Variants in IRF6 observed in about 807,000 individuals in gnomAD.
IRF6 encodes the protein Van der Woude syndrome.
Under a neutral mutation model 51.4 loss-of-function variants are expected in IRF6, and 6 were observed. The ratio of observed to expected loss-of-function variants is 0.12; its 90% CI spans 0.06 to 0.23. IRF6 has a LOEUF of 0.23. IRF6 is among the 10% of genes least tolerant of loss of function. The pLI is 1.00. For synonymous variants in IRF6, 178 were observed against 215.7 expected (o/e 0.83, Z 1.53); for missense variants, 348 against 585.2 (o/e 0.59, Z 4.18).
At chr1:209,803,296 G>A (rs922127325) in intron 1 of IRF6, among the ~76,000 whole-genome samples, 10 of 152,196 alleles carry the variant, frequency 6.6e-5, no homozygotes, top group Non-Finnish European at 1.5e-4. Flanking sequence ...CTAGTAAAGA[G>A]CTTTTGAGAA....
intron 8 of IRF6, among the ~76,000 whole-genome samples, chr1:209,789,351 T>TCGTGTG (rs1553247662): frequency 6.8e-6 from 1 of 146,960 alleles, no homozygotes; most frequent in Non-Finnish European, 1.5e-5. Flanking sequence ...GCAATTTACA[T>TCGTGTG]TGTGTGTGTG....
chr1:209,801,180 T>TG, intron 3 of IRF6, 60 bp downstream of exon 3: 1 of 1,132,040 alleles, frequency 8.8e-7, no homozygotes, highest in Non-Finnish European at 1.2e-6. Flanking sequence ...GTATTCCCCA[T>TG]GCCAAAAAAA....
rs1013842314 is a variant in IRF6 at position 209,790,688 on chromosome 1, C to T, written c.867G>A (p.Leu289=). 2.5e-6 allele frequency: 4 copies of T among 1,614,224 alleles called. No homozygotes were observed. The highest frequency in any genetic ancestry group is 3.3e-4 in the Middle Eastern group (2 of 6,062). Residue 289 remains leucine (L), a synonymous_variant, in exon 7 of 9, where the codon CTG becomes CTA. Transcript: ENST00000367021. This position sits in a 1 kb window ranked among gnomAD's most constrained non-coding sequence, Gnocchi z 4.8. ...PEHITNEKQK[L]FTSKLLDVMD... is the part of the protein sequence containing the mutation. ...TGACGTCCAGCAGCTTGCTAGTGAACAGCTTCTGCTTCTCATTGGTAATAT... is the reference window on the plus strand; with the variant it reads ...TGACGTCCAGCAGCTTGCTAGTGAATAGCTTCTGCTTCTCATTGGTAATAT...
intron 8 of IRF6, among the ~76,000 whole-genome samples, 173 bp downstream of exon 8, chr1:209,789,494 A>T (rs2077855786): frequency 6.6e-6 from 1 of 152,008 alleles, no homozygotes; most frequent in African/African-American, 2.4e-5. Flanking sequence ...CATTTTAAGG[A>T]CCCTGCCTTT....
chr1:209,795,440 G>A (rs751769285), intron 4 of IRF6, 22 bp from the exon 5 acceptor site: 18 of 1,613,194 alleles, frequency 1.1e-5, no homozygotes, highest in South Asian at 2.2e-5. Context: ...ACACAAGCTC[G>A]CAGGTGAGCC....
intron 2 of IRF6, among the ~76,000 whole-genome samples, chr1:209,801,642 A>T (rs190642725): frequency 1.3e-5 from 2 of 152,360 alleles, no homozygotes; most frequent in Admixed American, 1.3e-4. Flanking sequence ...GCCAAATCAG[A>T]CTTATCAGCT....
chr1:209,788,361 TA>T lies in IRF6; in HGVS notation c.*58del. ...TTAAAAGCTGGTTAAATCTAAACAA[TA>T]AAAAAATCCATATGTACAATATTAT... On this transcript the variant is annotated 3_prime_UTR_variant, in exon 9 of 9. Coordinates refer to ENST00000367021, the MANE Select transcript of IRF6 (RefSeq NM_006147.4). The T allele has an allele frequency of 1.7e-6, 2 of 1,168,494 alleles. No individual in the cohort carries two copies. The highest frequency in any genetic ancestry group is 2.5e-6 in the Non-Finnish European group (2 of 790,118). The allele number at this position is 1,168,494 out of a possible 1,614,324, so 72.4% of individuals were successfully genotyped here. A position where few individuals can be genotyped will look rare whatever the true frequency, so the allele number is the denominator to read the frequency against.
At chr1:209,795,869 A>G (rs1384610072) in intron 4 of IRF6, among the ~76,000 whole-genome samples, 1 of 151,954 alleles carries the variant, frequency 6.6e-6, no homozygotes, top group Non-Finnish European at 1.5e-5. Flanking sequence ...ATTTTTTTTT[A>G]CAGATCATGT....
At position 209,786,064 on chromosome 1, in the gene IRF6, G is replaced by C. The variant is rs2077831599; in HGVS notation, c.*2356C>G. 6.6e-6 allele frequency: 1 copy of C among 152,200 alleles called. No homozygotes were observed. Among genetic ancestry groups the C allele is most frequent in the Admixed American group, 6.5e-5 (1 of 15,294 alleles). 9.4% of individuals were successfully genotyped at this position (152,200 alleles called of 1,614,324 possible). ...TAACTCCCTTCTCAGTCTTAAGCAA[G>C]GTGAAGGCAAGGGAGTAGAAGATAT... On this transcript the variant is annotated 3_prime_UTR_variant, in exon 9 of 9. Transcript: ENST00000367021.
In IRF6 at chr1:209,803,871, G is replaced by A. The variant is rs572950480; in HGVS notation, c.-75-1828C>T. 7.5e-3 allele frequency among the ~76,000 whole-genome samples: 980 copies of A among 131,090 alleles called. 10 individuals carry two copies. The highest frequency in any genetic ancestry group is 8.4e-3 in the Non-Finnish European group (494 of 59,068). 86.0% of individuals were successfully genotyped at this position (131,090 alleles called of 152,430 possible). On this transcript the variant is annotated intron_variant, in intron 1 of 8. Coordinates refer to ENST00000367021, the MANE Select transcript of IRF6 (RefSeq NM_006147.4). ...AATGTTTACAATATGAAGTTGTGGGGGCAGGGGGAAACAGCATACAACTTG... is the reference window on the plus strand; with the variant it reads ...AATGTTTACAATATGAAGTTGTGGGAGCAGGGGGAAACAGCATACAACTTG...
chr1:209,795,199 A>G, intron 5 of IRF6, 91 bp downstream of exon 5: 1 of 1,435,258 alleles, frequency 7.0e-7, no homozygotes, highest in Non-Finnish European at 9.8e-7. Context: ...TCCTGCTTTC[A>G]GGGCAGTGGT....
chr1:209,798,487 G>C (rs2077918465), intron 3 of IRF6, among the ~76,000 whole-genome samples: 1 of 152,130 alleles, frequency 6.6e-6, no homozygotes, highest in African/African-American at 2.4e-5. Flanking sequence ...AGAGCAGCCA[G>C]ACCAACCCAG....
In IRF6 at chr1:209,792,255, A is replaced by G. The variant is rs2077873217; in HGVS notation, c.667+14T>C. On this transcript the variant is annotated intron_variant, in intron 6 of 8. Transcript: ENST00000367021. ...AAGCAGAAGACCGAGCAAGAAAGAT[A>G]AAGTCTCACTTACTTGGGAGAGAGC... 1.2e-6 allele frequency: 2 copies of G among 1,612,108 alleles called. No individual in the cohort carries two copies. Among genetic ancestry groups the G allele is most frequent in the Non-Finnish European group, 1.7e-6 (2 of 1,178,126 alleles).
chr1:209,796,634 A>AAC lies in IRF6; in HGVS notation c.175-84_175-83dup, dbSNP rs3028134. ...GTGCTTACCCTTTCTCATAGACACA[A>AAC]ACACACACACACACACACACACACA... On this transcript the variant is annotated intron_variant, in intron 3 of 8. Transcript: ENST00000367021. The surrounding 1 kb of genome is among the most constrained non-coding windows in gnomAD (Gnocchi z 4.5). The AAC allele has an allele frequency of 0.17, 96,725 of 576,520 alleles. 1,840 individuals carry two copies. The highest frequency in any genetic ancestry group is 0.19 in the Middle Eastern group (401 of 2,074). The allele number at this position is 576,520 out of a possible 1,614,324, so 35.7% of individuals were successfully genotyped here.
Position 209,795,311 on chromosome 1 carries a change from A to T in IRF6, c.487T>A (p.Phe163Ile). ...SQHHVPIQDTFPFLNINGSPM... is the reference protein window; with the variant it reads ...SQHHVPIQDTIPFLNINGSPM... ...TCACCATTGATGTTCAGGAAGGGGA[A>T]GGTGTCCTGGATGGGAACATGGTGC... The change falls in exon 5 of 9, where the codon TTC becomes ATC. Residue 163 changes from phenylalanine to isoleucine, a missense_variant. Physicochemically the swap from Phe to Ile is conservative, Grantham distance 21 (BLOSUM62 0). This residue lies in a region of IRF6 where 124 missense variants were observed against 141.6 expected (regional missense o/e 0.88). Coordinates refer to ENST00000367021, the MANE Select transcript of IRF6 (RefSeq NM_006147.4). The T allele has an allele frequency of 6.2e-7, 1 of 1,614,220 alleles. No individual in the cohort carries two copies. The highest frequency in any genetic ancestry group is 8.5e-7 in the Non-Finnish European group (1 of 1,180,034).
At chr1:209,803,333 G>A (rs1157788729) in intron 1 of IRF6, among the ~76,000 whole-genome samples, 6 of 152,202 alleles carry the variant, frequency 3.9e-5, no homozygotes, top group African/African-American at 1.4e-4. Flanking sequence ...GGTAAGTGCT[G>A]TGTTTGGGCC....
chr1:209,796,674 C>T lies in IRF6; in HGVS notation c.175-122G>A. On this transcript the variant is annotated intron_variant, in intron 3 of 8. Transcript: ENST00000367021. This position sits in a 1 kb window ranked among gnomAD's most constrained non-coding sequence, Gnocchi z 4.5. The stretch of plus-strand genomic sequence containing the variant: ...ACACACACACACACACACACACACA[C>T]ACAACTTTTGCATGACTGCCCCATC... The T allele has an allele frequency of 7.8e-6, 6 of 773,038 alleles. No individual in the cohort carries two copies. The highest frequency in any genetic ancestry group is 2.1e-6 in the Non-Finnish European group (1 of 465,528). The allele number at this position is 773,038 out of a possible 1,614,324, so 47.9% of individuals were successfully genotyped here.
rs1310697098 is a variant in IRF6 at position 209,795,310 on chromosome 1, A to T, written c.488T>A (p.Phe163Tyr). The change falls in exon 5 of 9, where the codon TTC (phenylalanine) becomes TAC (tyrosine). Residue 163 changes from phenylalanine to tyrosine, a missense_variant. Coordinates refer to ENST00000367021, the MANE Select transcript of IRF6 (RefSeq NM_006147.4). The stretch of plus-strand genomic sequence containing the variant: ...CTCACCATTGATGTTCAGGAAGGGG[A>T]AGGTGTCCTGGATGGGAACATGGTG... The part of the protein sequence containing the change: ...SQHHVPIQDT[F>Y]PFLNINGSPM... 1 of 1,614,184 alleles carries T rather than the reference A, an allele frequency of 6.2e-7. No individual in the cohort carries two copies. The highest frequency in any genetic ancestry group is 1.1e-5 in the South Asian group (1 of 91,086).
rs2077864673 is a variant in IRF6, at chr1:209,790,802, G to A, written c.753C>T (p.Leu251=). Residue 251 remains leucine, a synonymous_variant, in exon 7 of 9, where the codon CTC becomes CTT. Coordinates refer to ENST00000367021, the MANE Select transcript of IRF6 (RefSeq NM_006147.4). The surrounding 1 kb of genome is among the most constrained non-coding windows in gnomAD (Gnocchi z 4.8). The part of the protein sequence containing the change: ...MTVSNPQGCR[L]FYGDLGPMPD... ...GCATGGGACCCAGGTCCCCATAGAA[G>A]AGTCGGCAGCCCTGAGGGTTGCTCA... 1 of 1,614,136 alleles carries A rather than the reference G, an allele frequency of 6.2e-7. No homozygotes were observed. Among genetic ancestry groups the A allele is most frequent in the African/African-American group, 1.3e-5 (1 of 75,060 alleles).
Sources: allele counts gnomAD v4.1 joint callset (sites outside exome capture counted in the v4.1 genomes callset), GRCh38; gene constraint gnomAD v4.1.1; regional missense constraint gnomAD v4.1.1; non-coding constraint Gnocchi (gnomAD v3.1); transcripts MANE v1.5; gene names NCBI Gene and HGNC (gene_info 2026-07-23, HGNC 2026-07-21).